Variants in RFX3 observed in about 807,000 individuals in gnomAD.
RFX3 encodes the protein regulatory factor X3.
A neutral mutation model predicts 98.6 loss-of-function variants in RFX3; 14 were observed. The observed-to-expected ratio is 0.14, with a 90% CI of 0.09 to 0.22. RFX3 has a LOEUF of 0.22. RFX3 is among the 10% of genes least tolerant of loss of function. RFX3 has a pLI of 1.00. For synonymous variants in RFX3, 383 were observed against 328.4 expected (o/e 1.17, Z -1.80); for missense variants, 639 against 926.9 (o/e 0.69, Z 4.03).
intron 15 of RFX3, chr9:3,247,620 C>A (rs1391894091): frequency 1.5e-6 from 2 of 1,331,892 alleles, no homozygotes; most frequent in African/African-American, 3.0e-5. Context: ...AAAATAGAAT[C>A]ATTTACTTTG....
At chr9:3,402,693 A>T (rs1371369622) in intron 1 of RFX3, among the ~76,000 whole-genome samples, 2 of 151,774 alleles carry the variant, frequency 1.3e-5, no homozygotes, top group African/African-American at 4.8e-5. Flanking sequence ...TTTATTACTA[A>T]TGCTCTCATT....
intron 1 of RFX3, among the ~76,000 whole-genome samples, chr9:3,505,010 T>C (rs1376388753): frequency 6.6e-5 from 5 of 75,196 alleles, no homozygotes; most frequent in Non-Finnish European, 1.1e-4. Context: ...ATATAAAATG[T>C]ATAATAAAAT....
chr9:3,504,252 A>C (rs1181270774), intron 1 of RFX3, among the ~76,000 whole-genome samples: 1 of 131,788 alleles, frequency 7.6e-6, no homozygotes, highest in Non-Finnish European at 1.5e-5. Context: ...TATATATTTT[A>C]TATATAATAT....
intron 2 of RFX3, among the ~76,000 whole-genome samples, chr9:3,389,657 C>A (rs185949567): frequency 4.6e-5 from 7 of 152,032 alleles, no homozygotes; most frequent in Admixed American, 1.3e-4. Flanking sequence ...AAATTCCACA[C>A]CCGACCTCAA....
chr9:3,232,450 C>T (rs1175632284), intron 15 of RFX3, among the ~76,000 whole-genome samples: 1 of 152,178 alleles, frequency 6.6e-6, no homozygotes, highest in African/African-American at 2.4e-5. Context: ...ACCTGCCGAA[C>T]TTATTTTGTT....
At chr9:3,425,390 G>A (rs1390396585) in intron 1 of RFX3, among the ~76,000 whole-genome samples, 4 of 152,148 alleles carry the variant, frequency 2.6e-5, no homozygotes, top group African/African-American at 7.2e-5. Flanking sequence ...TCTCCAATGA[G>A]CCTGCATTAC....
intron 1 of RFX3, among the ~76,000 whole-genome samples, chr9:3,440,271 AAAAC>A (rs1005322693): frequency 6.6e-6 from 1 of 152,100 alleles, no homozygotes. Context: ...TCAGCAAAAT[AAAAC>A]AAACAAAAAG....
intron 1 of RFX3, among the ~76,000 whole-genome samples, chr9:3,501,289 T>G (rs1243830614): frequency 1.3e-5 from 2 of 152,262 alleles, no homozygotes; most frequent in Non-Finnish European, 2.9e-5. Flanking sequence ...TTTCTTAATT[T>G]CATAATTTTT....
chr9:3,380,861 T>G (rs1342203738), intron 2 of RFX3, among the ~76,000 whole-genome samples: 1 of 152,200 alleles, frequency 6.6e-6, no homozygotes, highest in African/African-American at 2.4e-5. Context: ...ATTTTTATAC[T>G]GAACATTTTT....
intron 1 of RFX3, among the ~76,000 whole-genome samples, chr9:3,516,381 T>C (rs931045726): frequency 9.2e-5 from 14 of 152,192 alleles, no homozygotes; most frequent in African/African-American, 3.4e-4. Context: ...TAAGAAAATG[T>C]ATACTTCTTA....
At chr9:3,253,569 A>T (rs1821715041) in intron 14 of RFX3, among the ~76,000 whole-genome samples, 1 of 151,978 alleles carries the variant, frequency 6.6e-6, no homozygotes. Flanking sequence ...TCTGCCTCCC[A>T]GGGAACCACA....
At chr9:3,525,280 T>C (rs1819150092) in intron 1 of RFX3, among the ~76,000 whole-genome samples, 1 of 152,180 alleles carries the variant, frequency 6.6e-6, no homozygotes, top group Admixed American at 6.5e-5. Flanking sequence ...CCTTGCACAC[T>C]GTTGTCTATT....
At chr9:3,339,582 C>T (rs1363583010) in intron 3 of RFX3, among the ~76,000 whole-genome samples, 1 of 152,208 alleles carries the variant, frequency 6.6e-6, no homozygotes, top group Non-Finnish European at 1.5e-5. Flanking sequence ...CAATGCTAAT[C>T]TTTAATTCAT....
chr9:3,358,196 A>G lies in RFX3; in HGVS notation c.118-11432T>C, dbSNP rs200418783. Among the ~76,000 whole-genome samples, 21 of 152,290 alleles carry G rather than the reference A, an allele frequency of 1.4e-4. No homozygotes were observed. The East Asian group carries it at 4.0e-3, about 29-fold the overall frequency. ...CAAAAGGGTTACTGTGAGGATCCAAAGCAATTAAGTTTAGATACAAATCAT... is the reference window on the plus strand; with the variant it reads ...CAAAAGGGTTACTGTGAGGATCCAAGGCAATTAAGTTTAGATACAAATCAT... On this transcript the variant is annotated intron_variant, in intron 2 of 16. Coordinates refer to ENST00000617270, the MANE Select transcript of RFX3 (RefSeq NM_001282116.2).
chr9:3,479,417 A>T (rs1008791468), intron 1 of RFX3, among the ~76,000 whole-genome samples: 2 of 152,208 alleles, frequency 1.3e-5, no homozygotes, highest in East Asian at 1.9e-4. Flanking sequence ...TGATTTTTTA[A>T]AAATATACTT....
In RFX3 at chr9:3,423,441, T is replaced by A. The variant is rs554253512; in HGVS notation, c.-8-27845A>T. Among the ~76,000 whole-genome samples, 6 of 152,326 alleles carry A rather than the reference T, an allele frequency of 3.9e-5. No individual in the cohort carries two copies. In the East Asian group the frequency reaches 1.2e-3, roughly 29 times the overall value. On this transcript the variant is annotated intron_variant, in intron 1 of 16. Transcript: ENST00000617270. ...ATACTCCTAAAATGAAATACTACTC[T>A]GGAATAAAAAGAACTATTCATATGC...
intron 2 of RFX3, among the ~76,000 whole-genome samples, chr9:3,387,709 A>C (rs1478490402): frequency 1.3e-5 from 2 of 152,110 alleles, no homozygotes; most frequent in African/African-American, 4.8e-5. Context: ...CACAGTCTTA[A>C]TTATGAGAAC....
At chr9:3,429,103 A>G (rs966839158) in intron 1 of RFX3, among the ~76,000 whole-genome samples, 8 of 150,696 alleles carry the variant, frequency 5.3e-5, no homozygotes, top group Non-Finnish European at 1.0e-4. Context: ...GCTCACTGCA[A>G]GCTCCGCCTC....
At chr9:3,520,800 G>C (rs920670890) in intron 1 of RFX3, among the ~76,000 whole-genome samples, 4 of 152,128 alleles carry the variant, frequency 2.6e-5, no homozygotes, top group Non-Finnish European at 5.9e-5. Context: ...TCAGTCTCCT[G>C]AGTAGCTTGA....
Sources: allele counts gnomAD v4.1 joint callset (sites outside exome capture counted in the v4.1 genomes callset), GRCh38; gene constraint gnomAD v4.1.1; transcripts MANE v1.5; gene names NCBI Gene and HGNC (gene_info 2026-07-23, HGNC 2026-07-21).